The following CXXC5 variants were observed in gnomAD, a reference collection of about 807,000 sequenced individuals.
CXXC5 encodes the protein CXXC-type zinc finger protein 5.
CXXC5 carries 2 observed loss-of-function variants against 17.6 expected under a neutral mutation model. The ratio of observed to expected loss-of-function variants is 0.11; its 90% CI spans 0.05 to 0.36. The LOEUF (loss-of-function observed/expected upper bound fraction) is 0.36, where lower values mean the gene tolerates loss of function less well. Among genes scored for constraint, CXXC5 ranks in the 10% least tolerant of loss-of-function variants. CXXC5 has a pLI of 1.00. For missense variants in CXXC5, 343 were observed against 458.3 expected, an observed-to-expected ratio of 0.75 and a Z score of 2.30; for synonymous variants, 171 against 193.0, an observed-to-expected ratio of 0.89 and a Z score of 0.94.
Position 139,680,551 on chromosome 5 carries a change from G to C in CXXC5, c.28G>C (p.Asp10His). The change falls in exon 2 of 3, where the codon GAT becomes CAT. Residue 10 changes from aspartate (D) to histidine (H), a missense_variant. Around this residue, in one of 4 missense-constraint regions of CXXC5, gnomAD observed 297 missense variants for 363.4 expected, o/e 0.82. Coordinates refer to ENST00000302517, the MANE Select transcript of CXXC5 (RefSeq NM_016463.9). ...GTCGAGCCTCGGCGGTGGCTCCCAG[G>C]ATGCCGGCGGCAGTAGCAGCAGCAG... Reference protein sequence around the residue: MSSLGGGSQDAGGSSSSSTN... With the variant: MSSLGGGSQHAGGSSSSSTN... 6.4e-7 allele frequency: 1 copy of C among 1,573,094 alleles called. No homozygotes were observed.
At chr5:139,676,956 C>A (rs1756866917) in intron 1 of CXXC5, among the ~76,000 whole-genome samples, 1 of 151,048 alleles carries the variant, frequency 6.6e-6, no homozygotes, top group African/African-American at 2.4e-5. Flanking sequence ...GCCCCTCTGC[C>A]CCCCAGCTTT....
chr5:139,667,821 A>G (rs533564896), intron 1 of CXXC5, among the ~76,000 whole-genome samples: 1 of 152,286 alleles, frequency 6.6e-6, no homozygotes, highest in South Asian at 2.1e-4. Context: ...GAGATCACGC[A>G]TATGTTGTTC....
Position 139,680,393 on chromosome 5 carries a change from C to G in CXXC5, c.-131C>G, listed in dbSNP as rs1380292285. 1 of 1,319,272 alleles carries G rather than the reference C, an allele frequency of 7.6e-7. No homozygotes were observed. The highest frequency in any genetic ancestry group is 1.0e-6 in the Non-Finnish European group (1 of 992,038). 81.7% of individuals were successfully genotyped at this position (1,319,272 alleles called of 1,614,324 possible). On this transcript the variant is annotated 5_prime_UTR_variant, in exon 2 of 3. Transcript: ENST00000302517. ...AAGACATTTCCACCTGGACACCTGA[C>G]CATGTGCCTGCCCTGAGCAGCGAGG...
In CXXC5 at chr5:139,681,414, G is replaced by A. The variant is rs1275716626; in HGVS notation, c.891G>A (p.Glu297=). 2.5e-6 allele frequency: 4 copies of A among 1,587,102 alleles called. No individual in the cohort carries two copies. The highest frequency in any genetic ancestry group is 2.6e-6 in the Non-Finnish European group (3 of 1,163,392). The change falls in exon 2 of 3, where the codon GAG becomes GAA. Residue 297 remains glutamate, a synonymous_variant. Coordinates refer to ENST00000302517, the MANE Select transcript of CXXC5 (RefSeq NM_016463.9). ...GHQICKFRKC[E]ELKKKPSAAL... ...AGATTTGCAAATTCAGAAAATGTGA[G>A]GAACTCAAAAAGAAGCCTTCCGCTG...
At chr5:139,653,829 C>T (rs1476590857) in intron 1 of CXXC5, among the ~76,000 whole-genome samples, 2 of 151,996 alleles carry the variant, frequency 1.3e-5, no homozygotes, top group Non-Finnish European at 2.9e-5. Context: ...GCCTCTGATG[C>T]TGGCCTCCCT....
chr5:139,648,706 G>T lies in CXXC5; in HGVS notation c.-300G>T, dbSNP rs2126726242. ...GCCGCGGCGGCGCGACTCGGGCTCC[G>T]GACCCGGGCACTGCTGGCGGCTGGA... On this transcript the variant is annotated 5_prime_UTR_variant, in exon 1 of 3. Transcript: ENST00000302517. 6.6e-6 allele frequency: 1 copy of T among 151,720 alleles called. No homozygotes were observed. The highest frequency in any genetic ancestry group is 2.1e-4 in the South Asian group (1 of 4,836). The allele number at this position is 151,720 out of a possible 1,614,324, so 9.4% of individuals were successfully genotyped here. A position where few individuals can be genotyped will look rare whatever the true frequency, so the allele number is the denominator to read the frequency against.
Position 139,682,953 on chromosome 5 carries a change from C to A in CXXC5, c.*46C>A. The A allele has an allele frequency of 6.6e-7, 1 of 1,521,878 alleles. No homozygotes were observed. Among genetic ancestry groups the A allele is most frequent in the Non-Finnish European group, 8.9e-7 (1 of 1,124,496 alleles). 94.3% of individuals were successfully genotyped at this position (1,521,878 alleles called of 1,614,324 possible). On this transcript the variant is annotated 3_prime_UTR_variant, in exon 3 of 3. Transcript: ENST00000302517. ...GCCCTCTCCGTGCAATGTCACTGCT[C>A]GTGTGGTCTCCAGCAAGGGATTCGG...
chr5:139,662,792 G>A (rs1031944845), intron 1 of CXXC5, among the ~76,000 whole-genome samples: 3 of 152,204 alleles, frequency 2.0e-5, no homozygotes, highest in Admixed American at 2.0e-4. Flanking sequence ...TGGCTTGGTC[G>A]CTGCCTGCTA....
intron 1 of CXXC5, among the ~76,000 whole-genome samples, chr5:139,650,533 C>T (rs1472695328): frequency 6.6e-6 from 1 of 152,196 alleles, no homozygotes; most frequent in African/African-American, 2.4e-5. Context: ...CCGCTGGGGC[C>T]GCCTGGCGGG....
chr5:139,650,256 C>T (rs896539733), intron 1 of CXXC5, among the ~76,000 whole-genome samples: 8 of 152,140 alleles, frequency 5.3e-5, no homozygotes, highest in African/African-American at 1.9e-4. Flanking sequence ...CCCTCCTTTG[C>T]CCCCTGGACT....
At chr5:139,665,505 C>A (rs1407981107) in intron 1 of CXXC5, 1 of 152,302 alleles carries the variant, frequency 6.6e-6, no homozygotes, top group Non-Finnish European at 1.5e-5. Flanking sequence ...TAAAACCTAA[C>A]CCCCAGTGGC....
At position 139,670,540 on chromosome 5, in the gene CXXC5, A is replaced by G; in HGVS notation, c.-160-9824A>G. Among the ~76,000 whole-genome samples the G allele has an allele frequency of 6.6e-6, 1 of 152,188 alleles. No homozygotes were observed. Among genetic ancestry groups the G allele is most frequent in the East Asian group, 1.9e-4 (1 of 5,188 alleles). On this transcript the variant is annotated intron_variant, in intron 1 of 2. Coordinates refer to ENST00000302517, the MANE Select transcript of CXXC5 (RefSeq NM_016463.9). The surrounding 1 kb of genome is among the most constrained non-coding windows in gnomAD (Gnocchi z 4.2). ...TCCCAGTAGGGCCCCAGACTCATAC[A>G]GCCCAGAGCTCCTGACACAACTCAC... is the stretch of plus-strand genomic sequence containing the variant.
intron 1 of CXXC5, among the ~76,000 whole-genome samples, chr5:139,660,799 T>C (rs1378445776): frequency 7.0e-6 from 1 of 143,034 alleles, no homozygotes; most frequent in Non-Finnish European, 1.5e-5. Context: ...GCTGCTGGGG[T>C]TGGGGGGAGT....
rs1554084638 is a variant in CXXC5 at position 139,673,854 on chromosome 5, A to AAGAG, written c.-160-6502_-160-6499dup. 1.4e-3 allele frequency among the ~76,000 whole-genome samples: 212 copies of AAGAG among 146,896 alleles called. 10 individuals are homozygous for AAGAG. Among genetic ancestry groups the AAGAG allele is most frequent in the Middle Eastern group, 3.5e-3 (1 of 284 alleles). ...AGACTCTTGTCAAAAAAAAAAAAAA[A>AAGAG]AGAGAGAGAGAAAACAGAGCTCTAC... On this transcript the variant is annotated intron_variant, in intron 1 of 2. Transcript: ENST00000302517.
chr5:139,669,415 G>A (rs764116558), intron 1 of CXXC5, among the ~76,000 whole-genome samples: 2 of 152,038 alleles, frequency 1.3e-5, no homozygotes, highest in South Asian at 2.1e-4. Context: ...TGGGACAACC[G>A]CCATAGCGGG....
At chr5:139,664,321 G>T (rs1219314856) in intron 1 of CXXC5, among the ~76,000 whole-genome samples, 1 of 152,086 alleles carries the variant, frequency 6.6e-6, no homozygotes, top group African/African-American at 2.4e-5. Flanking sequence ...CCTGGTCAGG[G>T]TTGCGCACCT....
intron 1 of CXXC5, among the ~76,000 whole-genome samples, chr5:139,669,284 C>G (rs767839831): frequency 6.6e-6 from 1 of 152,218 alleles, no homozygotes; most frequent in Non-Finnish European, 1.5e-5. Flanking sequence ...AATTATGCAG[C>G]CAGTGCTCGG....
At chr5:139,660,621 C>T (rs1290341015) in intron 1 of CXXC5, among the ~76,000 whole-genome samples, 1 of 152,056 alleles carries the variant, frequency 6.6e-6, no homozygotes, top group African/African-American at 2.4e-5. Context: ...AGCTTGAGAG[C>T]CCAGAGAGGG....
chr5:139,665,893 A>C (rs919822763), intron 1 of CXXC5: 1 of 152,280 alleles, frequency 6.6e-6, no homozygotes, highest in Non-Finnish European at 1.5e-5. Context: ...CCTGCTGAGG[A>C]TAAGAACCCG....
Sources: gnomAD v4.1 joint callset for allele counts (sites outside exome capture counted in the v4.1 genomes callset) on GRCh38, gnomAD v4.1.1 for gene constraint, gnomAD v4.1.1 regional missense constraint, Gnocchi (gnomAD v3.1) non-coding constraint, MANE v1.5 for transcripts, NCBI Gene and HGNC (gene_info 2026-07-23, HGNC 2026-07-21) for gene names.